Variants in TAB2 observed in about 807,000 individuals in gnomAD.
The protein encoded by TAB2 is TGF-beta-activated kinase 1 and MAP3K7-binding protein 2.
A neutral mutation model predicts 65.0 loss-of-function variants in TAB2; 3 were observed. The ratio of observed to expected loss-of-function variants is 0.05; its 90% CI spans 0.02 to 0.12. The LOEUF (loss-of-function observed/expected upper bound fraction) is 0.12, where lower values mean the gene tolerates loss of function less well. Ranked by LOEUF, TAB2 falls within the 10% of genes least tolerant of loss-of-function variation. The pLI is 1.00. For missense variants in TAB2, 623 were observed against 840.3 expected (o/e 0.74, Z 3.20); for synonymous variants, 298 against 285.1 (o/e 1.05, Z -0.46).
chr6:149,228,008 A>T (rs1193667544), intron 1 of TAB2, among the ~76,000 whole-genome samples: 4 of 152,140 alleles, frequency 2.6e-5, no homozygotes, highest in Non-Finnish European at 5.9e-5. Flanking sequence ...TCAGGATGAA[A>T]AAAGCAAATC....
At chr6:149,281,417 C>T (rs762133664) in intron 1 of TAB2, among the ~76,000 whole-genome samples, 28 of 150,968 alleles carry the variant, frequency 1.9e-4, no homozygotes, top group Non-Finnish European at 3.6e-4. Context: ...AAAAGGAAAT[C>T]GTAAAAAATA....
upstream of TAB2, among the ~76,000 whole-genome samples, chr6:149,312,737 T>C (rs1190954170): frequency 6.6e-6 from 1 of 152,212 alleles, no homozygotes; most frequent in African/African-American, 2.4e-5. Context: ...ACAACCTCTC[T>C]ACCGCTGGGT....
intron 1 of TAB2, among the ~76,000 whole-genome samples, chr6:149,263,708 T>C (rs1778201917): frequency 6.6e-6 from 1 of 152,212 alleles, no homozygotes; most frequent in Non-Finnish European, 1.5e-5. Flanking sequence ...AGTAACTTAA[T>C]AGGCTCCTTT....
intron 6 of TAB2, among the ~76,000 whole-genome samples, chr6:149,406,553 C>T (rs1274622332): frequency 6.6e-6 from 1 of 151,814 alleles, no homozygotes; most frequent in Non-Finnish European, 1.5e-5. Context: ...TCCAGCCTGC[C>T]GTCTGTTTTT....
In TAB2 at chr6:149,411,268, G is replaced by T. The variant is rs1162831769; in HGVS notation, c.*1549G>T. ...TACCACCCACTGTAAATGTTTGCAA[G>T]TGGCTGTGTTTTAAATGGGATTATT... On this transcript the variant is annotated 3_prime_UTR_variant, in exon 7 of 7. Coordinates refer to ENST00000637181, the MANE Select transcript of TAB2 (RefSeq NM_001292034.3). 1 of 152,426 alleles carries T rather than the reference G, an allele frequency of 6.6e-6. No homozygotes were observed. The highest frequency in any genetic ancestry group is 2.4e-5 in the African/African-American group (1 of 41,444). 9.4% of individuals were successfully genotyped at this position (152,426 alleles called of 1,614,324 possible).
intron 1 of TAB2, among the ~76,000 whole-genome samples, chr6:149,302,451 G>T (rs1778986648): frequency 6.6e-6 from 1 of 152,096 alleles, no homozygotes; most frequent in African/African-American, 2.4e-5. Flanking sequence ...TAGTTAATTG[G>T]TAGTGCACTT....
chr6:149,223,881 A>C (rs575096904), intron 1 of TAB2, among the ~76,000 whole-genome samples: 1 of 151,920 alleles, frequency 6.6e-6, no homozygotes, highest in East Asian at 1.9e-4. Context: ...CTGAGACTAC[A>C]CACCTCCCCC....
intron 1 of TAB2, among the ~76,000 whole-genome samples, chr6:149,276,316 G>C (rs887014297): frequency 6.6e-6 from 1 of 152,154 alleles, no homozygotes; most frequent in Non-Finnish European, 1.5e-5. Flanking sequence ...GTATTAATAT[G>C]TTAATTGGTT....
At chr6:149,349,673 T>G (rs1284231877) in intron 1 of TAB2, among the ~76,000 whole-genome samples, 2 of 152,170 alleles carry the variant, frequency 1.3e-5, no homozygotes, top group African/African-American at 4.8e-5. Context: ...CTCATATCAA[T>G]TGTGATGGAA....
At chr6:149,256,143 A>T (rs539597791) in intron 1 of TAB2, among the ~76,000 whole-genome samples, 2 of 152,218 alleles carry the variant, frequency 1.3e-5, no homozygotes, top group Admixed American at 6.5e-5. Context: ...AGTTAATTTT[A>T]AAAAAAGGAA....
intron 3 of TAB2, among the ~76,000 whole-genome samples, chr6:149,383,656 C>T (rs372636221): frequency 3.3e-5 from 5 of 152,228 alleles, no homozygotes; most frequent in African/African-American, 1.2e-4. Context: ...GATCTCAGCT[C>T]ACTGCAACCT....
intron 1 of TAB2, among the ~76,000 whole-genome samples, chr6:149,285,787 C>T (rs1778666142): frequency 6.6e-6 from 1 of 152,100 alleles, no homozygotes; most frequent in Admixed American, 6.5e-5. Context: ...TTTTCAAACT[C>T]AGGCATGCAT....
chr6:149,275,485 A>C (rs1259639224), intron 1 of TAB2, among the ~76,000 whole-genome samples: 3 of 152,190 alleles, frequency 2.0e-5, no homozygotes, highest in African/African-American at 4.8e-5. Context: ...TGAATAAATA[A>C]ATTTATGGAG....
At chr6:149,345,488 C>T (rs2114789558) in intron 1 of TAB2, among the ~76,000 whole-genome samples, 1 of 152,150 alleles carries the variant, frequency 6.6e-6, no homozygotes, top group East Asian at 1.9e-4. Flanking sequence ...ACTCTATCTA[C>T]ATATCAGAAT....
chr6:149,226,614 A>G (rs1273252082), intron 1 of TAB2, among the ~76,000 whole-genome samples: 2 of 152,240 alleles, frequency 1.3e-5, no homozygotes, highest in Non-Finnish European at 2.9e-5. Context: ...AAGCAGAAAG[A>G]TAGGAAGATG....
intron 1 of TAB2, among the ~76,000 whole-genome samples, chr6:149,268,285 C>T (rs1375550123): frequency 6.6e-6 from 1 of 152,176 alleles, no homozygotes; most frequent in African/African-American, 2.4e-5. Context: ...CCAGCCATCC[C>T]ATTAGCATTC....
intron 3 of TAB2, among the ~76,000 whole-genome samples, chr6:149,388,814 A>G (rs376534659): frequency 4.6e-5 from 7 of 152,244 alleles, no homozygotes; most frequent in Admixed American, 2.0e-4. Flanking sequence ...TAGTTAGTCA[A>G]TAAAATTTTT....
In TAB2 at chr6:149,378,596, A is replaced by C; in HGVS notation, c.681A>C (p.Arg227=). The change falls in exon 3 of 7, where the codon CGA becomes CGC. Residue 227 remains arginine (R), a synonymous_variant. Transcript: ENST00000637181. ...PYITTPGGTT[R]QTQQHSGWVS... ...TTACAACTCCTGGTGGTACAACTCGACAGACACAACAGCATTCTGGCTGGG... is the reference window on the plus strand; with the variant it reads ...TTACAACTCCTGGTGGTACAACTCGCCAGACACAACAGCATTCTGGCTGGG... The C allele has an allele frequency of 1.9e-6, 3 of 1,613,648 alleles. No homozygotes were observed. The highest frequency in any genetic ancestry group is 2.5e-6 in the Non-Finnish European group (3 of 1,180,032).
intron 6 of TAB2, among the ~76,000 whole-genome samples, chr6:149,404,293 C>A (rs1479188845): frequency 6.6e-6 from 1 of 151,898 alleles, no homozygotes; most frequent in Non-Finnish European, 1.5e-5. Context: ...TTAAAGAAGA[C>A]ACAGATAAAT....
Sources: allele counts gnomAD v4.1 joint callset (sites outside exome capture counted in the v4.1 genomes callset), GRCh38; gene constraint gnomAD v4.1.1; transcripts MANE v1.5; gene names NCBI Gene and HGNC (gene_info 2026-07-23, HGNC 2026-07-21).